HIBADH: variants seen among roughly 807,000 people sequenced by gnomAD.
The protein encoded by HIBADH is 3-hydroxyisobutyrate dehydrogenase.
A neutral mutation model predicts 36.1 loss-of-function variants in HIBADH; 25 were observed. The ratio of observed to expected loss-of-function variants is 0.69; its 90% CI spans 0.50 to 0.97. The LOEUF (loss-of-function observed/expected upper bound fraction) is 0.97. HIBADH is among the 50% of genes least tolerant of loss of function. HIBADH has a pLI of 0.00. For missense variants in HIBADH, 421 were observed against 418.0 expected, an observed-to-expected ratio of 1.01 and a Z score of -0.06; for synonymous variants, 160 against 149.5, an observed-to-expected ratio of 1.07 and a Z score of -0.51.
At chr7:27,586,148 A>C (rs1784858126) in intron 4 of HIBADH, among the ~76,000 whole-genome samples, 1 of 152,228 alleles carries the variant, frequency 6.6e-6, no homozygotes, top group African/African-American at 2.4e-5. Context: ...GATTATCACC[A>C]ATTTCTACAA....
intron 4 of HIBADH, among the ~76,000 whole-genome samples, chr7:27,608,935 T>A (rs1343346648): frequency 6.6e-6 from 1 of 152,126 alleles, no homozygotes; most frequent in Non-Finnish European, 1.5e-5. Flanking sequence ...GAACACAGGT[T>A]CCCCCTCTAC....
chr7:27,554,519 A>G (rs535223109), intron 4 of HIBADH, among the ~76,000 whole-genome samples: 30 of 152,246 alleles, frequency 2.0e-4, no homozygotes, highest in African/African-American at 7.0e-4. Context: ...CCAATACCAC[A>G]CCCTTCTGGG....
intron 4 of HIBADH, among the ~76,000 whole-genome samples, chr7:27,601,481 G>A (rs6462037): frequency 0.76 from 115,807 of 151,846 alleles, 44,649 homozygotes; most frequent in East Asian, 0.94. Context: ...CTATAAACGT[G>A]CTAAAAAAAA....
At chr7:27,546,171 T>C (rs938669422) in intron 4 of HIBADH, among the ~76,000 whole-genome samples, 4 of 152,190 alleles carry the variant, frequency 2.6e-5, no homozygotes, top group African/African-American at 7.2e-5. Flanking sequence ...GTGATGATCA[T>C]AGCTCACTGC....
intron 4 of HIBADH, among the ~76,000 whole-genome samples, chr7:27,575,329 G>T (rs1784692431): frequency 6.6e-6 from 1 of 152,168 alleles, no homozygotes; most frequent in Non-Finnish European, 1.5e-5. Context: ...CATCTACATT[G>T]GGACTTGAGT....
At position 27,661,269 on chromosome 7, in the gene HIBADH, G is replaced by T. The variant is rs145605974; in HGVS notation, c.91+1429C>A. On this transcript the variant is annotated intron_variant, in intron 1 of 7. Transcript: ENST00000265395. The stretch of plus-strand genomic sequence containing the variant: ...GGAAATTCAGAGGTTTCACTGAGGG[G>T]GAGAATGGGAAGCTGTTAAGAATTG... 3.3e-3 allele frequency among the ~76,000 whole-genome samples: 496 copies of T among 152,192 alleles called. 6 individuals are homozygous for T. The highest frequency in any genetic ancestry group is 0.031 in the Middle Eastern group (9 of 294).
intron 6 of HIBADH, among the ~76,000 whole-genome samples, chr7:27,531,674 TTAC>T (rs1281950919): frequency 6.6e-6 from 1 of 152,234 alleles, no homozygotes; most frequent in African/African-American, 2.4e-5. Flanking sequence ...TCTTTGGACA[TTAC>T]TACATTTATA....
chr7:27,602,587 T>C (rs1785149216), intron 4 of HIBADH, among the ~76,000 whole-genome samples: 1 of 152,152 alleles, frequency 6.6e-6, no homozygotes, highest in African/African-American at 2.4e-5. Context: ...CTTTTAGTTT[T>C]TAGAAGCCAT....
chr7:27,599,806 C>A (rs1785097102), intron 4 of HIBADH, among the ~76,000 whole-genome samples: 1 of 145,340 alleles, frequency 6.9e-6, no homozygotes, highest in African/African-American at 2.5e-5. Context: ...TTTTTTTCTT[C>A]AAAAAAGGTT....
chr7:27,643,321 T>C (rs1350916643), intron 2 of HIBADH, among the ~76,000 whole-genome samples: 1 of 152,220 alleles, frequency 6.6e-6, no homozygotes, highest in East Asian at 1.9e-4. Flanking sequence ...TATCTGATAC[T>C]ACCTGTTGAA....
chr7:27,550,222 T>C (rs150457992), intron 4 of HIBADH, among the ~76,000 whole-genome samples: 55 of 152,288 alleles, frequency 3.6e-4, no homozygotes, highest in African/African-American at 1.3e-3. Flanking sequence ...ATTTCTTATA[T>C]AATCTCAAAG....
At chr7:27,599,867 ATT>A (rs751854457) in intron 4 of HIBADH, among the ~76,000 whole-genome samples, 53 of 151,968 alleles carry the variant, frequency 3.5e-4, no homozygotes, top group Non-Finnish European at 7.1e-4. Flanking sequence ...AATTGTATAT[ATT>A]GTCTTATAAT....
At chr7:27,606,664 T>C (rs760646339) in intron 4 of HIBADH, among the ~76,000 whole-genome samples, 3 of 152,246 alleles carry the variant, frequency 2.0e-5, no homozygotes, top group Non-Finnish European at 2.9e-5. Flanking sequence ...CTCATCATTA[T>C]CTTAAAGCCC....
chr7:27,614,187 G>C (rs1785385680), intron 4 of HIBADH, among the ~76,000 whole-genome samples: 2 of 152,092 alleles, frequency 1.3e-5, no homozygotes, highest in Admixed American at 6.6e-5. Flanking sequence ...TTTAATGTAA[G>C]AACTTCCTCT....
intron 3 of HIBADH, among the ~76,000 whole-genome samples, chr7:27,630,210 A>C (rs1785723557): frequency 6.6e-6 from 1 of 152,214 alleles, no homozygotes; most frequent in African/African-American, 2.4e-5. Context: ...GCTAACCTTT[A>C]ATTCAAACTT....
chr7:27,615,437 T>C (rs983417826), intron 4 of HIBADH, among the ~76,000 whole-genome samples: 1 of 152,176 alleles, frequency 6.6e-6, no homozygotes, highest in Non-Finnish European at 1.5e-5. Context: ...TTTCTAATAA[T>C]AAAACTGAAG....
intron 4 of HIBADH, among the ~76,000 whole-genome samples, chr7:27,546,049 TA>T (rs1168968984): frequency 1.1e-4 from 17 of 152,186 alleles, no homozygotes; most frequent in African/African-American, 4.1e-4. Context: ...AAAGTATTAA[TA>T]ACTTCTTCAT....
intron 4 of HIBADH, among the ~76,000 whole-genome samples, chr7:27,597,465 A>G (rs867730906): frequency 4.8e-4 from 73 of 151,712 alleles, no homozygotes; most frequent in African/African-American, 1.7e-3. Flanking sequence ...AAAAACAATC[A>G]TGATGCTCGG....
At chr7:27,653,098 C>A (rs1437659903) in intron 1 of HIBADH, among the ~76,000 whole-genome samples, 1 of 151,986 alleles carries the variant, frequency 6.6e-6, no homozygotes, top group Non-Finnish European at 1.5e-5. Context: ...CACTGCACTC[C>A]AGCCTGGGTG....
Sources: allele counts gnomAD v4.1 joint callset (sites outside exome capture counted in the v4.1 genomes callset), GRCh38; gene constraint gnomAD v4.1.1; transcripts MANE v1.5; gene names NCBI Gene and HGNC (gene_info 2026-07-23, HGNC 2026-07-21).